SBF2: variants seen among roughly 807,000 people sequenced by gnomAD.
The protein encoded by SBF2 is myotubularin-related protein 13.
Under a neutral mutation model 225.2 loss-of-function variants are expected in SBF2, and 112 were observed. The observed-to-expected ratio is 0.50, with a 90% CI of 0.43 to 0.58. The LOEUF is 0.58. Among genes scored for constraint, SBF2 ranks in the 20% least tolerant of loss-of-function variants. The pLI, the probability that SBF2 is intolerant of heterozygous loss-of-function variation, is 0.00. For missense variants in SBF2, 1,996 were observed against 2,206.2 expected, an observed-to-expected ratio of 0.90 and a Z score of 1.91; for synonymous variants, 763 against 773.3, an observed-to-expected ratio of 0.99 and a Z score of 0.22.
Position 9,989,600 on chromosome 11 carries a change from G to C in SBF2, c.1297-5C>G. On this transcript the variant is annotated splice_polypyrimidine_tract_variant and splice_region_variant and intron_variant, in intron 12 of 39. Transcript: ENST00000256190. The stretch of plus-strand genomic sequence containing the variant: ...CTCTACTTCAAAGGCTACCAACTAG[G>C]AAAAAGAATCAAATGGCAAAACATC... 6.5e-7 allele frequency: 1 copy of C among 1,532,666 alleles called. No homozygotes were observed. 94.9% of individuals were successfully genotyped at this position (1,532,666 alleles called of 1,614,324 possible).
At chr11:9,980,915 G>C (rs1946927989) in intron 13 of SBF2, among the ~76,000 whole-genome samples, 1 of 151,732 alleles carries the variant, frequency 6.6e-6, no homozygotes, top group Admixed American at 6.6e-5. Flanking sequence ...ATAAAAGATG[G>C]ATTTTTTTGT....
intron 2 of SBF2, among the ~76,000 whole-genome samples, chr11:10,094,285 T>G (rs571959918): frequency 6.6e-6 from 1 of 152,238 alleles, no homozygotes; most frequent in African/African-American, 2.4e-5. Flanking sequence ...ATGGTGCCAT[T>G]GCACTCCAGC....
chr11:9,860,170 A>T (rs962265452), intron 17 of SBF2, among the ~76,000 whole-genome samples: 5 of 151,912 alleles, frequency 3.3e-5, no homozygotes, highest in Non-Finnish European at 7.4e-5. Context: ...TGGGACATGG[A>T]TTACACACTT....
chr11:10,231,143 C>T (rs934700782), intron 1 of SBF2, among the ~76,000 whole-genome samples: 6 of 152,148 alleles, frequency 3.9e-5, no homozygotes, highest in Non-Finnish European at 7.3e-5. Context: ...ATTCTCATGC[C>T]GTGGATTTCA....
chr11:9,983,757 C>G (rs531693206), intron 13 of SBF2, among the ~76,000 whole-genome samples: 95 of 152,304 alleles, frequency 6.2e-4, no homozygotes, highest in Non-Finnish European at 1.1e-3. Flanking sequence ...TCACAGGACT[C>G]TGTGCAGACA....
chr11:9,836,769 T>G (rs927451163), intron 26 of SBF2, among the ~76,000 whole-genome samples: 1 of 152,192 alleles, frequency 6.6e-6, no homozygotes, highest in Non-Finnish European at 1.5e-5. Context: ...AAGTATTCCA[T>G]GTAGAGGTCT....
chr11:9,793,734 A>C (rs144041454), intron 33 of SBF2, among the ~76,000 whole-genome samples: 1 of 152,136 alleles, frequency 6.6e-6, no homozygotes, highest in South Asian at 2.1e-4. Flanking sequence ...GGGCCTTACC[A>C]TCACAGATTC....
chr11:9,892,244 G>C (rs1323619825), intron 17 of SBF2, among the ~76,000 whole-genome samples: 1 of 151,952 alleles, frequency 6.6e-6, no homozygotes, highest in Non-Finnish European at 1.5e-5. Context: ...CCAGCCTCCT[G>C]AGTAGCTGGG....
At chr11:10,302,617 TC>T (rs55835779) in intron 1 of SBF2, 3,772 of 152,318 alleles carry the variant, frequency 0.025, 66 homozygotes, top group Middle Eastern at 0.048. Flanking sequence ...CTCCCTACAC[TC>T]CTGGGCTTGC....
intron 34 of SBF2, 45 bp downstream of exon 34, chr11:9,790,511 A>T: frequency 6.6e-7 from 1 of 1,522,596 alleles, no homozygotes; most frequent in Non-Finnish European, 9.0e-7. Context: ...GAAAACCTTA[A>T]CACAAAATTT....
At chr11:9,839,284 C>A (rs1434476206) in intron 26 of SBF2, 1 of 581,732 alleles carries the variant, frequency 1.7e-6, no homozygotes, top group Admixed American at 2.8e-5. Context: ...GGGGTGAGTA[C>A]TTTACCTTTC....
intron 1 of SBF2, among the ~76,000 whole-genome samples, chr11:10,289,022 G>C (rs1045563620): frequency 1.3e-5 from 2 of 152,226 alleles, no homozygotes; most frequent in African/African-American, 2.4e-5. Flanking sequence ...CTGCAGGCCA[G>C]CACCAAACCT....
intron 2 of SBF2, among the ~76,000 whole-genome samples, chr11:10,176,258 C>A (rs1381057338): frequency 1.3e-5 from 2 of 149,728 alleles, no homozygotes; most frequent in Non-Finnish European, 3.0e-5. Context: ...AAAATTGACA[C>A]CCTAACATCA....
At chr11:9,863,747 T>A (rs1857955372) in intron 17 of SBF2, among the ~76,000 whole-genome samples, 1 of 141,002 alleles carries the variant, frequency 7.1e-6, no homozygotes, top group Admixed American at 7.3e-5. Context: ...TGTCCCTCCC[T>A]CTCTCTCTTT....
intron 39 of SBF2, 149 bp downstream of exon 39, chr11:9,781,358 A>T: frequency 1.0e-6 from 1 of 987,738 alleles, no homozygotes; most frequent in Non-Finnish European, 1.6e-6. Flanking sequence ...AATAATGCTG[A>T]GTTCAAGCTC....
chr11:10,225,178 T>G (rs910582038), intron 1 of SBF2, among the ~76,000 whole-genome samples: 2 of 152,244 alleles, frequency 1.3e-5, no homozygotes, highest in Admixed American at 6.5e-5. Flanking sequence ...GAAAAACAAC[T>G]GAACTTATAT....
At chr11:9,811,597 A>G (rs1854188545) in intron 30 of SBF2, among the ~76,000 whole-genome samples, 1 of 152,184 alleles carries the variant, frequency 6.6e-6, no homozygotes, top group African/African-American at 2.4e-5. Flanking sequence ...AGCACCCTAA[A>G]TTGCCTTAAT....
Position 10,000,907 on chromosome 11 carries a change from T to C in SBF2, c.861+7A>G, listed in dbSNP as rs546454057. ...AATAACTGGAAACTTTAAAGATGAA[T>C]ACTTACAAGTTCATGGACATCAGTT... On this transcript the variant is annotated splice_region_variant and intron_variant, in intron 8 of 39. Coordinates refer to ENST00000256190, the MANE Select transcript of SBF2 (RefSeq NM_030962.4). The C allele has an allele frequency of 1.5e-5, 22 of 1,442,216 alleles. No homozygotes were observed. In the East Asian group the frequency reaches 4.8e-4, roughly 31 times the overall value. The allele number at this position is 1,442,216 out of a possible 1,614,324, so 89.3% of individuals were successfully genotyped here.
intron 1 of SBF2, among the ~76,000 whole-genome samples, chr11:10,235,527 CA>C (rs797015174): frequency 0.18 from 14,297 of 80,458 alleles, 688 homozygotes; most frequent in Middle Eastern, 0.25. Flanking sequence ...GACTCCATCT[CA>C]AAAAAAAAAA....
Sources: allele counts gnomAD v4.1 joint callset (sites outside exome capture counted in the v4.1 genomes callset), GRCh38; gene constraint gnomAD v4.1.1; transcripts MANE v1.5; gene names NCBI Gene and HGNC (gene_info 2026-07-23, HGNC 2026-07-21).